NCAPH2: variants seen among roughly 807,000 people sequenced by gnomAD.
NCAPH2 encodes condensin-2 complex subunit H2.
A neutral mutation model predicts 88.6 loss-of-function variants in NCAPH2; 56 were observed. The ratio of observed to expected loss-of-function variants is 0.63; its 90% CI spans 0.51 to 0.79. NCAPH2 has a LOEUF of 0.79. NCAPH2 is among the 30% of genes least tolerant of loss of function. The pLI is 0.00. For synonymous variants in NCAPH2, 378 were observed against 313.6 expected, an observed-to-expected ratio of 1.21 and a Z score of -2.17; for missense variants, 794 against 792.0, an observed-to-expected ratio of 1.00 and a Z score of -0.03.
chr22:50,509,839 C>G (rs1603440209), intron 1 of NCAPH2, among the ~76,000 whole-genome samples: 2 of 152,200 alleles, frequency 1.3e-5, no homozygotes, highest in East Asian at 3.9e-4. Context: ...TTCTTTTGAA[C>G]CAGTCAACCT....
Position 50,523,058 on chromosome 22 carries a change from G to C in NCAPH2, c.1569G>C (p.Gln523His). 1 of 1,606,890 alleles carries C rather than the reference G, an allele frequency of 6.2e-7. No individual in the cohort carries two copies. The highest frequency in any genetic ancestry group is 8.5e-7 in the Non-Finnish European group (1 of 1,175,274). The stretch of plus-strand genomic sequence containing the variant: ...TTGACATCCACACCTATGGGGACCA[G>C]CTGGTCTCACGGTTCCCCCAGCTCA... ...VPFDIHTYGD[Q>H]LVSRFPQLNE... The change falls in exon 19 of 20, where the codon CAG becomes CAC. Residue 523 changes from glutamine to histidine, a missense_variant. Coordinates refer to ENST00000420993, the MANE Select transcript of NCAPH2 (RefSeq NM_152299.4).
At position 50,523,370 on chromosome 22, in the gene NCAPH2, C is replaced by G. The variant is rs1007342769; in HGVS notation, c.1813C>G (p.Pro605Ala). Residue 605 changes from proline to alanine, a missense_variant, in exon 20 of 20, where the codon CCC becomes GCC. By Grantham distance (27) the Pro-to-Ala change is conservative (BLOSUM62 -1). Around this residue, in one of 2 missense-constraint regions of NCAPH2, gnomAD observed 735 missense variants for 696.3 expected, o/e 1.06. Coordinates refer to ENST00000420993, the MANE Select transcript of NCAPH2 (RefSeq NM_152299.4). ...QTYAAPSMAQ[P>A] Reference sequence around the variant, plus strand: ...CTACGCTGCCCCCTCCATGGCCCAGCCCTGAGTGGGGAGCACCGAGGCAGG... The same window carrying G: ...CTACGCTGCCCCCTCCATGGCCCAGGCCTGAGTGGGGAGCACCGAGGCAGG... 1 of 1,546,040 alleles carries G rather than the reference C, an allele frequency of 6.5e-7. No individual in the cohort carries two copies. The highest frequency in any genetic ancestry group is 1.2e-5 in the South Asian group (1 of 84,342).
chr22:50,515,915 GGAT>G, intron 1 of NCAPH2: 1 of 704,118 alleles, frequency 1.4e-6, no homozygotes, highest in Non-Finnish European at 2.0e-6. Flanking sequence ...CTTGGGCATG[GGAT>G]GAAGGAATGT....
chr22:50,523,651 A>G lies in NCAPH2; in HGVS notation c.*276A>G. The G allele has an allele frequency of 6.2e-7, 1 of 1,613,946 alleles. No individual in the cohort carries two copies. On this transcript the variant is annotated 3_prime_UTR_variant, in exon 20 of 20. Transcript: ENST00000420993. ...GCGGAAAGCCGCCATGTGCCGCCGC[A>G]CACTGTCTGAGATCTGCTCAGCCGA...
intron 17 of NCAPH2, 30 bp downstream of exon 17, chr22:50,522,750 G>A (rs1273171301): frequency 4.3e-6 from 7 of 1,612,156 alleles, no homozygotes; most frequent in South Asian, 1.1e-5. Context: ...AGACGGGGAG[G>A]GGAGGGGGAC....
intron 18 of NCAPH2, 41 bp downstream of exon 18, chr22:50,522,963 G>A (rs1467786045): frequency 6.2e-7 from 1 of 1,611,950 alleles, no homozygotes; most frequent in East Asian, 2.2e-5. Flanking sequence ...TGTGCCACGG[G>A]TCTGTCCAGG....
chr22:50,521,940 G>A, intron 12 of NCAPH2, 46 bp from the exon 13 acceptor site: 1 of 1,613,726 alleles, frequency 6.2e-7, no homozygotes, highest in Non-Finnish European at 8.5e-7. Context: ...TCCCAATGCT[G>A]TGGGCAGCTC....
intron 8 of NCAPH2, 69 bp from the exon 9 acceptor site, chr22:50,519,121 C>T: frequency 1.4e-6 from 2 of 1,415,262 alleles, no homozygotes; most frequent in East Asian, 2.4e-5. Context: ...AAGTAGCCAT[C>T]AGGGTCCCTT....
At chr22:50,519,617 C>T (rs755566666) in intron 9 of NCAPH2, 114 of 1,218,688 alleles carry the variant, frequency 9.4e-5, no homozygotes, top group Non-Finnish European at 1.1e-4. Context: ...GTTGCCAAGG[C>T]GCCTCTCTGC....
chr22:50,508,551 C>T (rs2148652809), intron 1 of NCAPH2, 106 bp downstream of exon 1: 2 of 784,394 alleles, frequency 2.5e-6, no homozygotes, highest in East Asian at 6.9e-5. Context: ...ACGCCTATGG[C>T]TATCTGGCGC....
Position 50,518,702 on chromosome 22 carries a change from G to A in NCAPH2, c.700G>A (p.Val234Ile). The A allele has an allele frequency of 6.2e-7, 1 of 1,609,110 alleles. No homozygotes were observed. Among genetic ancestry groups the A allele is most frequent in the Non-Finnish European group, 8.5e-7 (1 of 1,178,614 alleles). ...GGAAGTTTCCGTGTGCAGGAGCCCT[G>A]TCCCAGCACTCGGCTTCTCCCAGGA... Reference protein sequence around the residue: ...PMEVSVCRSPVPALGFSQEPG... With the variant: ...PMEVSVCRSPIPALGFSQEPG... Residue 234 changes from valine to isoleucine, a missense_variant, in exon 8 of 20, where the codon GTC becomes ATC. By Grantham distance (29) the Val-to-Ile change is conservative (BLOSUM62 3). Transcript: ENST00000420993.
At chr22:50,517,048 G>A (rs2068944030) in intron 2 of NCAPH2, among the ~76,000 whole-genome samples, 1 of 152,230 alleles carries the variant, frequency 6.6e-6, no homozygotes, top group South Asian at 2.1e-4. Flanking sequence ...GGAGCACACG[G>A]GCGGAGGAGC....
Position 50,518,160 on chromosome 22 carries a change from G to C in NCAPH2, c.528G>C (p.Arg176=). The C allele has an allele frequency of 6.2e-7, 1 of 1,614,134 alleles. No homozygotes were observed. The highest frequency in any genetic ancestry group is 8.5e-7 in the Non-Finnish European group (1 of 1,180,020). Residue 176 remains arginine, a synonymous_variant, in exon 7 of 20, where the codon CGG becomes CGC. Transcript: ENST00000420993. ...GTCAGGGTGAGGTCCTGGCCAGCCG[G>C]AAGGATTTCAGGATGAACACGTGCG... is the stretch of plus-strand genomic sequence containing the variant. ...YSRQGEVLAS[R]KDFRMNTCVP...
At chr22:50,522,961 G>C (rs1198241544) in intron 18 of NCAPH2, 39 bp downstream of exon 18, 2 of 1,611,938 alleles carry the variant, frequency 1.2e-6, no homozygotes, top group Non-Finnish European at 8.5e-7. Context: ...TGTGTGCCAC[G>C]GGTCTGTCCA....
At position 50,521,998 on chromosome 22, in the gene NCAPH2, C is replaced by T; in HGVS notation, c.1121C>T (p.Ala374Val). Residue 374 changes from alanine to valine, a missense_variant, in exon 13 of 20, where the codon GCC becomes GTC. By Grantham distance (64) the Ala-to-Val change is moderately conservative (BLOSUM62 0). Transcript: ENST00000420993. Reference protein sequence around the residue: ...QWYLAAYADHADSRRLRRKGP... With the variant: ...QWYLAAYADHVDSRRLRRKGP... ...TGTTCTTTCACAGATGCAGACCATG[C>T]CGACAGCAGGCGGCTTCGGCGAAAG... is the stretch of plus-strand genomic sequence containing the variant. 1 of 1,613,976 alleles carries T rather than the reference C, an allele frequency of 6.2e-7. No individual in the cohort carries two copies. Among genetic ancestry groups the T allele is most frequent in the Non-Finnish European group, 8.5e-7 (1 of 1,179,954 alleles).
At position 50,521,549 on chromosome 22, in the gene NCAPH2, C is replaced by A; in HGVS notation, c.940C>A (p.Pro314Thr). 1 of 1,613,558 alleles carries A rather than the reference C, an allele frequency of 6.2e-7. No homozygotes were observed. The highest frequency in any genetic ancestry group is 1.3e-5 in the African/African-American group (1 of 75,042). Residue 314 changes from proline to threonine, a missense_variant, in exon 11 of 20, where the codon CCA becomes ACA. Coordinates refer to ENST00000420993, the MANE Select transcript of NCAPH2 (RefSeq NM_152299.4). Reference protein sequence around the residue: ...PEPASCVKETPDPWQSLDPFD... With the variant: ...PEPASCVKETTDPWQSLDPFD... ...TCTTGTGCTCTGTGCCCAGGAGACTCCAGACCCCTGGCAGAGCCTGGACCC... is the reference window on the plus strand; with the variant it reads ...TCTTGTGCTCTGTGCCCAGGAGACTACAGACCCCTGGCAGAGCCTGGACCC...
rs375954523 is a variant in NCAPH2, at chr22:50,524,054, G to A, written c.*679G>A. The A allele has an allele frequency of 2.6e-5, 42 of 1,613,272 alleles. No individual in the cohort carries two copies. The East Asian group carries it at 4.9e-4, about 19-fold the overall frequency. The stretch of plus-strand genomic sequence containing the variant: ...AAGTACATCAGCACCCACTGGCCCC[G>A]GAAGTCAGCCTTGCAGCGAGCCCGG... On this transcript the variant is annotated 3_prime_UTR_variant, in exon 20 of 20. Transcript: ENST00000420993.
At chr22:50,522,976 C>T in intron 18 of NCAPH2, 41 bp from the exon 19 acceptor site, 1 of 1,608,942 alleles carries the variant, frequency 6.2e-7, no homozygotes, top group Non-Finnish European at 8.5e-7. Context: ...TGTCCAGGGC[C>T]TTGCCTCTCT....
rs1207690428 is a variant in NCAPH2, at chr22:50,517,445, C to T, written c.229C>T (p.Leu77Phe). ...TCACCAGGTGGAATACCTCTACTCA[C>T]TCGTCTACCAGGCCCTTGATTTCAT... The part of the protein sequence containing the change: ...YSKKVEYLYS[L>F]VYQALDFISG... Residue 77 changes from leucine to phenylalanine, a missense_variant, in exon 3 of 20, where the codon CTC (leucine) becomes TTC (phenylalanine). Transcript: ENST00000420993. 3.1e-6 allele frequency: 5 copies of T among 1,613,946 alleles called. No homozygotes were observed. Among genetic ancestry groups the T allele is most frequent in the Non-Finnish European group, 4.2e-6 (5 of 1,180,046 alleles).
Sources: gnomAD v4.1 joint callset for allele counts (sites outside exome capture counted in the v4.1 genomes callset) on GRCh38, gnomAD v4.1.1 for gene constraint, gnomAD v4.1.1 regional missense constraint, MANE v1.5 for transcripts, NCBI Gene and HGNC (gene_info 2026-07-23, HGNC 2026-07-21) for gene names.